The following NFIB variants were observed in gnomAD, a reference collection of about 807,000 sequenced individuals.
NFIB encodes nuclear factor I B, also known as nuclear factor 1 B-type.
A neutral mutation model predicts 61.5 loss-of-function variants in NFIB; 11 were observed. That is an observed-to-expected ratio of 0.18 (90% CI 0.11 to 0.30). The LOEUF is 0.30. NFIB is among the 10% of genes least tolerant of loss of function. The pLI, the probability that NFIB is intolerant of heterozygous loss-of-function variation, is 1.00. For synonymous variants in NFIB, 260 were observed against 216.5 expected (o/e 1.20, Z -1.76); for missense variants, 471 against 608.9 (o/e 0.77, Z 2.38).
chr9:14,138,727 A>AT (rs894527730), intron 6 of NFIB, among the ~76,000 whole-genome samples: 3 of 152,164 alleles, frequency 2.0e-5, no homozygotes, highest in African/African-American at 7.2e-5. Context: ...TCACTTTACA[A>AT]TTCTACTTTC....
intron 2 of NFIB, among the ~76,000 whole-genome samples, chr9:14,228,415 C>T (rs1303581783): frequency 1.3e-5 from 2 of 151,952 alleles, no homozygotes; most frequent in East Asian, 1.9e-4. Flanking sequence ...AGGCTGGTCT[C>T]GAACTCCTGA....
chr9:14,224,851 C>G (rs531108555), intron 2 of NFIB, among the ~76,000 whole-genome samples: 3 of 152,272 alleles, frequency 2.0e-5, no homozygotes, highest in African/African-American at 7.2e-5. Context: ...AGTATCTTCC[C>G]TGAGAGGATA....
chr9:14,502,695 G>C, the NFIB span, among the ~76,000 whole-genome samples: 1 of 152,072 alleles, frequency 6.6e-6, no homozygotes, highest in African/African-American at 2.4e-5. Context: ...TTTCCTAGGG[G>C]GAAGTTTTAT....
Position 14,115,329 on chromosome 9 carries a change from T to C in NFIB, c.1384+879A>G, listed in dbSNP as rs181030298. On this transcript the variant is annotated intron_variant, in intron 9 of 10. Transcript: ENST00000380953. Reference sequence around the variant, plus strand: ...GTTTGAATTGAAGATATCTGTATAATTGGTGAGGTGCATGCTAATTCCACC... The same window carrying C: ...GTTTGAATTGAAGATATCTGTATAACTGGTGAGGTGCATGCTAATTCCACC... Among the ~76,000 whole-genome samples the C allele has an allele frequency of 5.8e-4, 89 of 152,184 alleles. 1 individual carries two copies. The highest frequency in any genetic ancestry group is 1.8e-3 in the Admixed American group (27 of 15,280).
chr9:14,445,747 T>C, the NFIB span, among the ~76,000 whole-genome samples: 1 of 152,238 alleles, frequency 6.6e-6, no homozygotes, highest in Non-Finnish European at 1.5e-5. Context: ...TTAGGATTTA[T>C]GCTGTGTTCT....
the NFIB span, among the ~76,000 whole-genome samples, chr9:14,526,987 C>G: frequency 6.6e-6 from 1 of 152,032 alleles, no homozygotes; most frequent in Non-Finnish European, 1.5e-5. Flanking sequence ...TTTCTTTATC[C>G]AAAGTTTACA....
chr9:14,225,451 C>T (rs1342386952), intron 2 of NFIB, among the ~76,000 whole-genome samples: 5 of 58,676 alleles, frequency 8.5e-5, no homozygotes, highest in African/African-American at 1.4e-4. Context: ...AGCGAGACTC[C>T]GTCTCAAAAA....
At chr9:14,150,446 C>A (rs1270923463) in intron 4 of NFIB, among the ~76,000 whole-genome samples, 181 bp from the exon 5 acceptor site, 2 of 152,122 alleles carry the variant, frequency 1.3e-5, no homozygotes, top group Admixed American at 1.3e-4. Context: ...ACCTTAGCAA[C>A]GTTCAAGCTT....
the NFIB span, among the ~76,000 whole-genome samples, chr9:14,491,723 A>T: frequency 6.6e-6 from 1 of 152,180 alleles, no homozygotes; most frequent in Admixed American, 6.5e-5. Context: ...CAGAAGTTTA[A>T]TTATAAATTC....
chr9:14,229,640 C>T (rs1160738045), intron 2 of NFIB, among the ~76,000 whole-genome samples: 1 of 152,184 alleles, frequency 6.6e-6, no homozygotes, highest in Non-Finnish European at 1.5e-5. Context: ...CTCAGCTTTA[C>T]ATAAATTCTT....
At chr9:14,241,357 G>A (rs573237281) in intron 2 of NFIB, among the ~76,000 whole-genome samples, 1 of 152,224 alleles carries the variant, frequency 6.6e-6, no homozygotes, top group South Asian at 2.1e-4. Context: ...TAAAAAAACA[G>A]CAGTTCATAA....
chr9:14,423,054 C>T, the NFIB span, among the ~76,000 whole-genome samples: 5 of 152,062 alleles, frequency 3.3e-5, no homozygotes, highest in Non-Finnish European at 5.9e-5. Context: ...CTCTATTAGA[C>T]CCTTTTGTAA....
chr9:14,238,747 A>G (rs1011204271), intron 2 of NFIB, among the ~76,000 whole-genome samples: 1 of 152,034 alleles, frequency 6.6e-6, no homozygotes, highest in African/African-American at 2.4e-5. Context: ...TATCTTTGGG[A>G]GTGAGTGTCT....
At chr9:14,234,472 C>T (rs2053535926) in intron 2 of NFIB, among the ~76,000 whole-genome samples, 1 of 151,666 alleles carries the variant, frequency 6.6e-6, no homozygotes, top group African/African-American at 2.4e-5. Context: ...CGCGTTCAAG[C>T]AACTCTCCTT....
chr9:14,466,491 C>G, the NFIB span, among the ~76,000 whole-genome samples: 13 of 152,076 alleles, frequency 8.5e-5, no homozygotes, highest in African/African-American at 3.1e-4. Context: ...TCATACTTCC[C>G]ACTCTGTTGG....
intron 1 of NFIB, among the ~76,000 whole-genome samples, chr9:14,390,820 G>T (rs959345874): frequency 1.3e-5 from 2 of 152,180 alleles, no homozygotes; most frequent in Admixed American, 6.5e-5. Flanking sequence ...TTGATCTGGG[G>T]CTTCCTGGCC....
At chr9:14,293,590 C>T (rs1312281354) in intron 2 of NFIB, among the ~76,000 whole-genome samples, 1 of 152,176 alleles carries the variant, frequency 6.6e-6, no homozygotes, top group Non-Finnish European at 1.5e-5. Flanking sequence ...GCTTTCTGAA[C>T]ATAAGTGCGG....
the NFIB span, among the ~76,000 whole-genome samples, chr9:14,493,495 A>G: frequency 6.6e-6 from 1 of 152,242 alleles, no homozygotes; most frequent in Non-Finnish European, 1.5e-5. Context: ...AAATTCTCCC[A>G]TAATAGCATC....
chr9:14,437,189 A>G, the NFIB span, among the ~76,000 whole-genome samples: 1 of 152,246 alleles, frequency 6.6e-6, no homozygotes, highest in African/African-American at 2.4e-5. Flanking sequence ...GACATGCCAT[A>G]CATTTAATAT....
Sources: gnomAD v4.1 joint callset for allele counts (sites outside exome capture counted in the v4.1 genomes callset) on GRCh38, gnomAD v4.1.1 for gene constraint, MANE v1.5 for transcripts, NCBI Gene and HGNC (gene_info 2026-07-23, HGNC 2026-07-21) for gene names.